The following UNC5C variants were observed in gnomAD, a reference collection of about 807,000 sequenced individuals.
UNC5C encodes the protein netrin receptor UNC5C.
UNC5C carries 47 observed loss-of-function variants against 99.8 expected under a neutral mutation model. The observed-to-expected ratio is 0.47, with a 90% CI of 0.37 to 0.60. The LOEUF is 0.60. Ranked by LOEUF, UNC5C falls within the 20% of genes least tolerant of loss-of-function variation. The pLI is 0.00. For synonymous variants in UNC5C, 487 were observed against 452.2 expected (o/e 1.08, Z -0.98); for missense variants, 1,062 against 1,165.9 (o/e 0.91, Z 1.30).
chr4:95,379,860 A>G (rs1745014866), intron 1 of UNC5C, among the ~76,000 whole-genome samples: 1 of 152,140 alleles, frequency 6.6e-6, no homozygotes. Context: ...GCGCTGCCTC[A>G]GGCTTTCGTT....
chr4:95,363,065 C>T (rs1744445537), intron 1 of UNC5C, among the ~76,000 whole-genome samples: 1 of 152,076 alleles, frequency 6.6e-6, no homozygotes, highest in Admixed American at 6.6e-5. Flanking sequence ...ACACCTCTGC[C>T]AGCTGGTGGA....
chr4:95,335,560 T>G lies in UNC5C; in HGVS notation c.196A>C (p.Ile66Leu), dbSNP rs577722147. The G allele has an allele frequency of 6.2e-7, 1 of 1,612,154 alleles. No individual in the cohort carries two copies. The highest frequency in any genetic ancestry group is 8.5e-7 in the Non-Finnish European group (1 of 1,178,872). The change falls in exon 2 of 16, where the codon ATT becomes CTT. Residue 66 changes from isoleucine (I) to leucine (L), a missense_variant. This residue lies in a region of UNC5C where 249 missense variants were observed against 295.1 expected (regional missense o/e 0.84). Coordinates refer to ENST00000453304, the MANE Select transcript of UNC5C (RefSeq NM_003728.4). ...ACAATATAAGCTTCTTCAGGCTCAA[T>G]AAGGAAATGTGGCAGAGGCTCAGGT... ...DPPEPLPHFL[I>L]EPEEAYIVKN...
At chr4:95,504,361 T>G (rs565527737) in intron 1 of UNC5C, among the ~76,000 whole-genome samples, 1 of 152,276 alleles carries the variant, frequency 6.6e-6, no homozygotes, top group African/African-American at 2.4e-5. Flanking sequence ...TTTCTTTAAC[T>G]TTCTGTCTTC....
At chr4:95,472,505 A>T (rs1325246920) in intron 1 of UNC5C, among the ~76,000 whole-genome samples, 4 of 152,066 alleles carry the variant, frequency 2.6e-5, no homozygotes, top group African/African-American at 9.7e-5. Context: ...TTTTTCATGT[A>T]TTTAAATATC....
At chr4:95,439,161 C>T (rs1293768022) in intron 1 of UNC5C, among the ~76,000 whole-genome samples, 1 of 152,122 alleles carries the variant, frequency 6.6e-6, no homozygotes, top group African/African-American at 2.4e-5. Context: ...CTTTTACAGG[C>T]CCTTGCAGTA....
chr4:95,430,836 T>A (rs951680839), intron 1 of UNC5C, among the ~76,000 whole-genome samples: 1 of 152,042 alleles, frequency 6.6e-6, no homozygotes, highest in African/African-American at 2.4e-5. Context: ...AAAGAACCCA[T>A]GAATGGTGGT....
Position 95,332,907 on chromosome 4 carries a change from A to G in UNC5C, c.346+2503T>C, listed in dbSNP as rs971576533. 2.6e-5 allele frequency among the ~76,000 whole-genome samples: 4 copies of G among 152,152 alleles called. No individual in the cohort carries two copies. In the East Asian group the frequency reaches 5.8e-4, roughly 22 times the overall value. ...CAAACAACCCCATCAAAAAGTGGGC[A>G]AAGGACATGAACAGACACCTCTCAA... On this transcript the variant is annotated intron_variant, in intron 2 of 15. Coordinates refer to ENST00000453304, the MANE Select transcript of UNC5C (RefSeq NM_003728.4).
intron 1 of UNC5C, among the ~76,000 whole-genome samples, chr4:95,426,918 A>T (rs1184928755): frequency 6.6e-6 from 1 of 152,242 alleles, no homozygotes. Context: ...AAACTGTAGC[A>T]AGTTATCCAG....
chr4:95,463,212 C>G (rs1747659321), intron 1 of UNC5C, among the ~76,000 whole-genome samples: 1 of 151,908 alleles, frequency 6.6e-6, no homozygotes, highest in Non-Finnish European at 1.5e-5. Flanking sequence ...CTAACTGTGA[C>G]CTACACCCGC....
chr4:95,407,004 A>G (rs1003626679), intron 1 of UNC5C, among the ~76,000 whole-genome samples: 3 of 152,184 alleles, frequency 2.0e-5, no homozygotes, highest in Non-Finnish European at 2.9e-5. Flanking sequence ...AGGAGGTATA[A>G]GTTATTGATT....
chr4:95,397,489 G>C (rs1745549567), intron 1 of UNC5C, among the ~76,000 whole-genome samples: 1 of 152,066 alleles, frequency 6.6e-6, no homozygotes, highest in African/African-American at 2.4e-5. Context: ...CAAAGAACCT[G>C]GTGTCTTTAT....
At chr4:95,418,581 G>A (rs1175035257) in intron 1 of UNC5C, among the ~76,000 whole-genome samples, 1 of 152,060 alleles carries the variant, frequency 6.6e-6, no homozygotes, top group Non-Finnish European at 1.5e-5. Context: ...GTAACTTGAG[G>A]CCTACTTTTT....
At chr4:95,325,383 G>C (rs945199804) in intron 2 of UNC5C, among the ~76,000 whole-genome samples, 1 of 151,316 alleles carries the variant, frequency 6.6e-6, no homozygotes, top group Non-Finnish European at 1.5e-5. Context: ...TAATCAAAGA[G>C]CTATATATTA....
At chr4:95,290,272 A>G (rs1211410792) in intron 3 of UNC5C, among the ~76,000 whole-genome samples, 1 of 152,132 alleles carries the variant, frequency 6.6e-6, no homozygotes, top group Non-Finnish European at 1.5e-5. Context: ...ATGCCACTGC[A>G]GTCCAGTTTG....
intron 1 of UNC5C, among the ~76,000 whole-genome samples, chr4:95,339,032 G>C (rs1743455788): frequency 6.6e-6 from 1 of 152,032 alleles, no homozygotes; most frequent in Non-Finnish European, 1.5e-5. Flanking sequence ...AGGTAAATGA[G>C]CATCTCACTT....
rs935206088 is a variant in UNC5C, at chr4:95,311,855, G to T, written c.347-10106C>A. Among the ~76,000 whole-genome samples the T allele has an allele frequency of 2.0e-5, 3 of 152,052 alleles. No homozygotes were observed. The South Asian group carries it at 6.2e-4, about 32-fold the overall frequency. ...GGCCAAGAATTCAAGACCAGCCTGG[G>T]CAACATAAAGAGACCCTGTCTCTAC... On this transcript the variant is annotated intron_variant, in intron 2 of 15. Transcript: ENST00000453304.
chr4:95,277,213 A>G (rs541034816), intron 4 of UNC5C, among the ~76,000 whole-genome samples: 1 of 152,354 alleles, frequency 6.6e-6, no homozygotes, highest in East Asian at 1.9e-4. Flanking sequence ...TTAAAAATTC[A>G]TATACATTGA....
intron 1 of UNC5C, among the ~76,000 whole-genome samples, chr4:95,413,957 A>G (rs1374635552): frequency 6.6e-6 from 1 of 152,242 alleles, no homozygotes; most frequent in African/African-American, 2.4e-5. Context: ...AAGCTGTTCC[A>G]TAATTTGCAC....
intron 4 of UNC5C, among the ~76,000 whole-genome samples, chr4:95,253,146 TCTC>T (rs1739806021): frequency 6.6e-6 from 1 of 152,078 alleles, no homozygotes; most frequent in Non-Finnish European, 1.5e-5. Context: ...CTTACAGGGT[TCTC>T]CTGGAAGCAC....
Sources: gnomAD v4.1 joint callset for allele counts (sites outside exome capture counted in the v4.1 genomes callset) on GRCh38, gnomAD v4.1.1 for gene constraint, gnomAD v4.1.1 regional missense constraint, MANE v1.5 for transcripts, NCBI Gene and HGNC (gene_info 2026-07-23, HGNC 2026-07-21) for gene names.